FAT3: variants seen among roughly 807,000 people sequenced by gnomAD.
FAT3 encodes FAT atypical cadherin 3.
In FAT3, 95 loss-of-function variants were observed where a neutral mutation model predicts 310.2. The ratio of observed to expected loss-of-function variants is 0.31; its 90% CI spans 0.26 to 0.36. The LOEUF is 0.36. FAT3 is among the 10% of genes least tolerant of loss of function. FAT3 has a pLI of 1.00. For synonymous variants in FAT3, 2,314 were observed against 2,192.9 expected, an observed-to-expected ratio of 1.06 and a Z score of -1.54; for missense variants, 5,408 against 5,715.6, an observed-to-expected ratio of 0.95 and a Z score of 1.74.
intron 2 of FAT3, among the ~76,000 whole-genome samples, chr11:92,393,500 C>T (rs1172025200): frequency 6.6e-6 from 1 of 152,178 alleles, no homozygotes; most frequent in Non-Finnish European, 1.5e-5. Context: ...GGAATACCAG[C>T]ATCCCAAGTC....
chr11:92,540,928 T>C (rs1172386409), intron 3 of FAT3, among the ~76,000 whole-genome samples: 1 of 152,096 alleles, frequency 6.6e-6, no homozygotes, highest in East Asian at 1.9e-4. Flanking sequence ...TTTTCTAGTT[T>C]CTAATATTCA....
rs993580442 is a variant in FAT3 at position 92,891,570 on chromosome 11, C to T, written c.*457C>T. ...TAATGATTGTTGGAAAAGTTAGTCT[C>T]TTAGGCGAAAGAGAAGAGAAACAAA... On this transcript the variant is annotated 3_prime_UTR_variant, in exon 28 of 28. Transcript: ENST00000525166. 12 of 167,952 alleles carry T rather than the reference C, an allele frequency of 7.1e-5. No individual in the cohort carries two copies. Among genetic ancestry groups the T allele is most frequent in the Middle Eastern group, 6.4e-3 (2 of 312 alleles). 10.4% of individuals were successfully genotyped at this position (167,952 alleles called of 1,614,324 possible). A position where few individuals can be genotyped will look rare whatever the true frequency, so the allele number is the denominator to read the frequency against.
chr11:92,330,466 A>G (rs770572883), intron 1 of FAT3, among the ~76,000 whole-genome samples: 7 of 152,212 alleles, frequency 4.6e-5, no homozygotes, highest in Non-Finnish European at 8.8e-5. Context: ...AAGATAGTTT[A>G]TACGTTAAAT....
At chr11:92,637,037 G>A (rs1050149936) in intron 3 of FAT3, among the ~76,000 whole-genome samples, 5 of 152,096 alleles carry the variant, frequency 3.3e-5, no homozygotes, top group African/African-American at 1.2e-4. Flanking sequence ...TCAAAGGATC[G>A]GTCATTCAAC....
At chr11:92,671,364 G>T (rs918149193) in intron 3 of FAT3, among the ~76,000 whole-genome samples, 1 of 151,930 alleles carries the variant, frequency 6.6e-6, no homozygotes, top group African/African-American at 2.4e-5. Context: ...CCTTCTTTCC[G>T]TTTCACTAGT....
intron 13 of FAT3, among the ~76,000 whole-genome samples, chr11:92,815,777 G>A (rs1312773890): frequency 2.0e-5 from 3 of 152,150 alleles, no homozygotes; most frequent in African/African-American, 7.2e-5. Flanking sequence ...GGCATGGAGA[G>A]GAAGATGAAA....
chr11:92,797,166 G>T (rs1947198265), intron 9 of FAT3, among the ~76,000 whole-genome samples: 1 of 152,180 alleles, frequency 6.6e-6, no homozygotes, highest in Admixed American at 6.5e-5. Context: ...CATGAGTGGA[G>T]AATAGAAGAG....
chr11:92,344,590 G>T (rs1011669755), intron 1 of FAT3, among the ~76,000 whole-genome samples: 1 of 152,026 alleles, frequency 6.6e-6, no homozygotes, highest in African/African-American at 2.4e-5. Flanking sequence ...CATAAGAAAA[G>T]AAAAAAATGC....
chr11:92,604,971 A>C (rs1209062319), intron 3 of FAT3, among the ~76,000 whole-genome samples: 2 of 152,214 alleles, frequency 1.3e-5, no homozygotes, highest in Non-Finnish European at 2.9e-5. Context: ...TATGAAGATA[A>C]AAACAAGATA....
At chr11:92,705,379 T>TTGG (rs1187489448) in intron 4 of FAT3, among the ~76,000 whole-genome samples, 19 of 66,044 alleles carry the variant, frequency 2.9e-4, no homozygotes, top group Non-Finnish European at 3.7e-4. Flanking sequence ...GGTGATGGTG[T>TTGG]TGGTGGTGGT....
At chr11:92,705,803 G>C (rs1944316052) in intron 4 of FAT3, among the ~76,000 whole-genome samples, 1 of 39,230 alleles carries the variant, frequency 2.5e-5, no homozygotes, top group Non-Finnish European at 5.5e-5. Context: ...GATGGTGTTG[G>C]TGTTGGTGGT....
intron 21 of FAT3, among the ~76,000 whole-genome samples, chr11:92,865,544 C>T (rs1044029285): frequency 2.6e-5 from 4 of 152,232 alleles, no homozygotes; most frequent in African/African-American, 9.6e-5. Flanking sequence ...ACAAGGTCCT[C>T]TTGCTGGGTC....
At chr11:92,847,238 AT>A (rs1387875895) in intron 19 of FAT3, among the ~76,000 whole-genome samples, 6 of 152,174 alleles carry the variant, frequency 3.9e-5, no homozygotes, top group Non-Finnish European at 7.4e-5. Context: ...TATTTTTATT[AT>A]GCCTTTTCTA....
At chr11:92,538,635 G>A (rs1193770639) in intron 3 of FAT3, among the ~76,000 whole-genome samples, 1 of 152,070 alleles carries the variant, frequency 6.6e-6, no homozygotes, top group Non-Finnish European at 1.5e-5. Flanking sequence ...TGTTTTGTGA[G>A]TGCCTGCTAT....
intron 3 of FAT3, among the ~76,000 whole-genome samples, chr11:92,607,143 C>G (rs1179361478): frequency 6.6e-6 from 1 of 152,184 alleles, no homozygotes; most frequent in Non-Finnish European, 1.5e-5. Context: ...AAAACCAACT[C>G]ATATTTTGGT....
At chr11:92,526,893 A>G (rs1428609108) in intron 3 of FAT3, among the ~76,000 whole-genome samples, 1 of 152,180 alleles carries the variant, frequency 6.6e-6, no homozygotes, top group African/African-American at 2.4e-5. Flanking sequence ...TGATAAGAAA[A>G]TACTGCTTTT....
In FAT3 at chr11:92,543,183, G is replaced by A. The variant is rs182613056; in HGVS notation, c.3607+18235G>A. On this transcript the variant is annotated intron_variant, in intron 3 of 27. Transcript: ENST00000525166. ...TTGCCAGAGGCTTAGGATAATAGAG[G>A]AAAGGAGAGGATAGGAAGAGATTAA... Among the ~76,000 whole-genome samples, 1,483 of 152,134 alleles carry A rather than the reference G, an allele frequency of 9.7e-3. 17 individuals carry two copies. Among genetic ancestry groups the A allele is most frequent in the Non-Finnish European group, 0.016 (1,058 of 67,950 alleles).
intron 1 of FAT3, among the ~76,000 whole-genome samples, chr11:92,326,838 A>C (rs1947782015): frequency 6.6e-6 from 1 of 152,030 alleles, no homozygotes; most frequent in Non-Finnish European, 1.5e-5. Flanking sequence ...ACCTATATTG[A>C]CTCACTTCTT....
At chr11:92,866,155 CCT>C (rs1055908061) in intron 21 of FAT3, among the ~76,000 whole-genome samples, 22 of 152,114 alleles carry the variant, frequency 1.4e-4, no homozygotes, top group African/African-American at 5.1e-4. Context: ...TTCTACCAGG[CCT>C]CTTTCTTTCC....
Sources: allele counts gnomAD v4.1 joint callset (sites outside exome capture counted in the v4.1 genomes callset), GRCh38; gene constraint gnomAD v4.1.1; transcripts MANE v1.5; gene names NCBI Gene and HGNC (gene_info 2026-07-23, HGNC 2026-07-21).